Variants in SLC16A5 observed in about 807,000 individuals in gnomAD.
The protein encoded by SLC16A5 is solute carrier family 16 member 5, also known as monocarboxylate transporter 6.
A neutral mutation model predicts 33.2 loss-of-function variants in SLC16A5; 29 were observed. The observed-to-expected ratio is 0.87, with a 90% CI of 0.65 to 1.19. SLC16A5 has a LOEUF of 1.19. Ranked by LOEUF, SLC16A5 falls within the 50% of genes most tolerant of loss-of-function variation. The pLI is 0.00. For missense variants in SLC16A5, 606 were observed against 678.2 expected (o/e 0.89, Z 1.18); for synonymous variants, 248 against 284.1 (o/e 0.87, Z 1.28).
At chr17:75,109,632 G>A (rs1046121261), downstream of SLC16A5, among the ~76,000 whole-genome samples, 1 of 152,264 alleles carries the variant, frequency 6.6e-6, no homozygotes, top group Non-Finnish European at 1.5e-5. This position sits in a 1 kb window ranked among gnomAD's most constrained non-coding sequence, Gnocchi z 5.0. Flanking sequence ...GACCCCGGGG[G>A]ACCGGCGGGA....
At position 75,100,131 on chromosome 17, in the gene SLC16A5, G is replaced by T. The variant is rs1025034541; in HGVS notation, c.468G>T (p.Pro156=). The change falls in exon 5 of 7, where the codon CCG becomes CCT. Residue 156 remains proline (P), a synonymous_variant. Transcript: ENST00000329783. ...MGVSLGITLW[P]LLSRYLLENL... ...TCTCCCTGGGCATCACCCTCTGGCC[G>T]CTGCTCTCCCGCTACCTTCTGGAGA... 10 of 1,614,144 alleles carry T rather than the reference G, an allele frequency of 6.2e-6. No individual in the cohort carries two copies. Among genetic ancestry groups the T allele is most frequent in the Non-Finnish European group, 8.5e-6 (10 of 1,180,002 alleles).
chr17:75,095,425 C>G (rs982377181), intron 3 of SLC16A5, among the ~76,000 whole-genome samples: 3 of 152,246 alleles, frequency 2.0e-5, no homozygotes, highest in African/African-American at 4.8e-5. Flanking sequence ...GGCCATCTCT[C>G]TCATGTACAC....
intron 6 of SLC16A5, chr17:75,104,510 C>T (rs1397086915): frequency 9.6e-7 from 1 of 1,043,304 alleles, no homozygotes; most frequent in African/African-American, 1.7e-5. Flanking sequence ...ACCTCTGCCT[C>T]CCAAGTTCAA....
Position 75,093,703 on chromosome 17 carries a change from A to T in SLC16A5, c.67A>T (p.Thr23Ser), listed in dbSNP as rs745317822. Residue 23 changes from threonine (T) to serine (S), a missense_variant, in exon 3 of 7, where the codon ACC becomes TCC. Transcript: ENST00000329783. Reference protein sequence around the residue: ...AWVVLLATMVTQGLTLGFPTC... With the variant: ...AWVVLLATMVSQGLTLGFPTC... ...GGTGGTGCTGCTGGCCACCATGGTGACCCAGGGCCTCACCCTGGGCTTCCC... is the reference window on the plus strand; with the variant it reads ...GGTGGTGCTGCTGGCCACCATGGTGTCCCAGGGCCTCACCCTGGGCTTCCC... 7.4e-6 allele frequency: 12 copies of T among 1,613,904 alleles called. No homozygotes were observed. In the East Asian group the frequency reaches 2.7e-4, roughly 36 times the overall value.
At chr17:75,096,400 G>T (rs1053293410) in intron 3 of SLC16A5, among the ~76,000 whole-genome samples, 15 of 150,382 alleles carry the variant, frequency 1.0e-4, no homozygotes, top group African/African-American at 3.7e-4. Context: ...AGTCTCTGGC[G>T]TGAGGAAGCT....
chr17:75,093,957 A>T, intron 3 of SLC16A5, 122 bp downstream of exon 3: 1 of 1,403,182 alleles, frequency 7.1e-7, no homozygotes, highest in South Asian at 1.4e-5. Flanking sequence ...GTGAATTCCT[A>T]AGGTTTCACC....
intron 6 of SLC16A5, chr17:75,104,575 C>T: frequency 1.6e-6 from 1 of 642,338 alleles, no homozygotes; most frequent in Non-Finnish European, 1.9e-6. Context: ...CCTCTGCCCC[C>T]CAAGTAGCTG....
intron 2 of SLC16A5, among the ~76,000 whole-genome samples, chr17:75,090,666 G>A (rs947096786): frequency 5.9e-5 from 9 of 151,762 alleles, no homozygotes; most frequent in Non-Finnish European, 1.3e-4. Flanking sequence ...TCACTATGTT[G>A]GCCAGGCTGG....
intron 1 of SLC16A5, 158 bp from the exon 2 acceptor site, chr17:75,088,993 G>A (rs2073604371): frequency 6.6e-6 from 1 of 152,186 alleles, no homozygotes; most frequent in Non-Finnish European, 1.5e-5. Context: ...CTACAAAGCT[G>A]GTCTCATTGG....
intron 2 of SLC16A5, among the ~76,000 whole-genome samples, chr17:75,092,714 C>G (rs1380125901): frequency 1.3e-5 from 2 of 151,302 alleles, no homozygotes; most frequent in Non-Finnish European, 3.0e-5. Context: ...AAGTGTGTGT[C>G]TCTGTGTGTG....
intron 5 of SLC16A5, among the ~76,000 whole-genome samples, chr17:75,101,033 G>A (rs2073791906): frequency 6.6e-6 from 1 of 152,016 alleles, no homozygotes; most frequent in Non-Finnish European, 1.5e-5. Flanking sequence ...CAGATCATGA[G>A]GTCAGGAGAT....
At chr17:75,095,237 C>T (rs777274702) in intron 3 of SLC16A5, among the ~76,000 whole-genome samples, 1 of 152,208 alleles carries the variant, frequency 6.6e-6, no homozygotes, top group Non-Finnish European at 1.5e-5. Context: ...CTCTGGCCTG[C>T]AGGGTTGGGG....
intron 4 of SLC16A5, among the ~76,000 whole-genome samples, chr17:75,099,202 G>A (rs200283489): frequency 2.5e-4 from 38 of 152,258 alleles, no homozygotes; most frequent in East Asian, 1.9e-3. Flanking sequence ...CAAATAACCC[G>A]AGGTAGGGGC....
chr17:75,090,045 T>A (rs961917923), intron 2 of SLC16A5: 10 of 152,138 alleles, frequency 6.6e-5, no homozygotes, highest in Non-Finnish European at 1.3e-4. Context: ...CAGGCTGGAG[T>A]GCAGTGACGT....
Position 75,100,605 on chromosome 17 carries a change from C to G in SLC16A5, c.942C>G (p.Leu314=). 6.2e-7 allele frequency: 1 copy of G among 1,614,200 alleles called. No individual in the cohort carries two copies. The part of the protein sequence containing the change: ...RKYLFSLALL[L]NGLTNLVCAA... ...ACCTGTTCAGCCTGGCACTCCTGCTCAATGGGCTCACTAACCTGGTGTGTG... is the reference window on the plus strand; with the variant it reads ...ACCTGTTCAGCCTGGCACTCCTGCTGAATGGGCTCACTAACCTGGTGTGTG... Residue 314 remains leucine, a synonymous_variant, in exon 5 of 7, where the codon CTC becomes CTG. Transcript: ENST00000329783.
chr17:75,103,881 C>G (rs2073829585), intron 5 of SLC16A5, 89 bp from the exon 6 acceptor site: 1 of 1,180,378 alleles, frequency 8.5e-7, no homozygotes, highest in Admixed American at 1.8e-5. Context: ...ACAGCAGAGA[C>G]AAAAATAAAA....
chr17:75,100,744 C>G lies in SLC16A5; in HGVS notation c.1081C>G (p.Gln361Glu), dbSNP rs752937941. 6.2e-7 allele frequency: 1 copy of G among 1,613,962 alleles called. No individual in the cohort carries two copies. The highest frequency in any genetic ancestry group is 1.3e-5 in the African/African-American group (1 of 74,922). Reference protein sequence around the residue: ...QVLMDIVPMDQFPRALGLFTV... With the variant: ...QVLMDIVPMDEFPRALGLFTV... ...TCTCATGGACATCGTCCCCATGGAT[C>G]AGTTCCCCAGAGCCCTGGGACTCTT... Residue 361 changes from glutamine (Q) to glutamate (E), a missense_variant, in exon 5 of 7, where the codon CAG (glutamine) becomes GAG (glutamate). Coordinates refer to ENST00000329783, the MANE Select transcript of SLC16A5 (RefSeq NM_004695.4).
At chr17:75,106,555 C>T (rs896577629), downstream of SLC16A5, among the ~76,000 whole-genome samples, 1 of 148,658 alleles carries the variant, frequency 6.7e-6, no homozygotes, top group African/African-American at 2.5e-5. Context: ...GAGTTTGAGG[C>T]CAGCCTGGGC....
At chr17:75,095,382 C>T (rs994994061) in intron 3 of SLC16A5, among the ~76,000 whole-genome samples, 2 of 152,234 alleles carry the variant, frequency 1.3e-5, no homozygotes, top group African/African-American at 4.8e-5. Flanking sequence ...CAGCAGGCAT[C>T]TCAGCATCTC....
Sources: gnomAD v4.1 joint callset for allele counts (sites outside exome capture counted in the v4.1 genomes callset) on GRCh38, gnomAD v4.1.1 for gene constraint, Gnocchi (gnomAD v3.1) non-coding constraint, MANE v1.5 for transcripts, NCBI Gene and HGNC (gene_info 2026-07-23, HGNC 2026-07-21) for gene names.